The following LRP2 variants were observed in gnomAD, a reference collection of about 807,000 sequenced individuals.
LRP2 encodes LDL receptor related protein 2.
In LRP2, 172 loss-of-function variants were observed where a neutral mutation model predicts 531.0. The ratio of observed to expected loss-of-function variants is 0.32; its 90% confidence interval spans 0.29 to 0.37. The LOEUF is 0.37. Ranked by LOEUF, LRP2 falls within the 10% of genes least tolerant of loss-of-function variation. LRP2 has a pLI of 1.00. For synonymous variants in LRP2, 1,992 were observed against 2,027.6 expected (o/e 0.98, Z 0.47); for missense variants, 5,167 against 5,868.3 (o/e 0.88, Z 3.90).
chr2:169,168,045 A>ATATATATATATATATATATATATATATG, intron 61 of LRP2, among the ~76,000 whole-genome samples: 1 of 135,046 alleles, frequency 7.4e-6, no homozygotes, highest in African/African-American at 2.7e-5. Flanking sequence ...ATATATATAT[A>ATATATATATATATATATATATATATATG]TGCATCATTC....
intron 32 of LRP2, 136 bp from the exon 33 acceptor site, chr2:169,225,589 G>T: frequency 2.0e-6 from 2 of 985,458 alleles, no homozygotes; most frequent in Non-Finnish European, 3.1e-6. Context: ...GCAAACAAAG[G>T]TTCAGCACCA....
intron 51 of LRP2, 80 bp downstream of exon 51, chr2:169,182,087 A>G (rs1687460204): frequency 1.3e-6 from 2 of 1,567,344 alleles, no homozygotes; most frequent in Admixed American, 3.3e-5. Context: ...GCCTTGAGAT[A>G]GTTACATGAA....
At chr2:169,321,091 T>C (rs1181160238) in intron 1 of LRP2, among the ~76,000 whole-genome samples, 2 of 152,212 alleles carry the variant, frequency 1.3e-5, no homozygotes, top group Non-Finnish European at 2.9e-5. Context: ...TCATACACAG[T>C]TGATTAGTGT....
At chr2:169,241,623 G>A (rs957173887) in intron 24 of LRP2, among the ~76,000 whole-genome samples, 11 of 152,212 alleles carry the variant, frequency 7.2e-5, no homozygotes, top group African/African-American at 2.7e-4. Flanking sequence ...ATGAGTACCT[G>A]TGTCAAAAGA....
intron 1 of LRP2, among the ~76,000 whole-genome samples, chr2:169,327,018 G>A (rs1329570476): frequency 3.3e-5 from 5 of 151,170 alleles, no homozygotes; most frequent in African/African-American, 9.7e-5. Flanking sequence ...CCCTCCGCCC[G>A]GCAGCCACCC....
rs910660204 is a variant in LRP2, at chr2:169,136,849, T to C, written c.13620+543A>G. Among the ~76,000 whole-genome samples, 89 of 152,034 alleles carry C rather than the reference T, an allele frequency of 5.9e-4. 1 individual carries two copies. Among genetic ancestry groups the C allele is most frequent in the Admixed American group, 5.8e-3 (88 of 15,274 alleles). On this transcript the variant is annotated intron_variant, in intron 76 of 78. Coordinates refer to ENST00000649046, the MANE Select transcript of LRP2 (RefSeq NM_004525.3). ...GAGCAACAAGGCTGCAACAAGGAAA[T>C]TTAGATATCTGCCCATCAACTCTAG...
At position 169,209,512 on chromosome 2, in the gene LRP2, A is replaced by G. The variant is rs766753267; in HGVS notation, c.6410T>C (p.Ile2137Thr). 40 of 1,614,140 alleles carry G rather than the reference A, an allele frequency of 2.5e-5. No individual in the cohort carries two copies. The highest frequency in any genetic ancestry group is 4.5e-5 in the East Asian group (2 of 44,888). The change falls in exon 38 of 79, where the codon ATT (isoleucine) becomes ACT (threonine). Residue 2137 changes from isoleucine to threonine, a missense_variant. By Grantham distance (89) the Ile-to-Thr change is moderately conservative. Around this residue, in one of 6 missense-constraint regions of LRP2, gnomAD observed 2,811 missense variants for 3,058.0 expected, o/e 0.92. Transcript: ENST00000649046. ...IKPDGSSLMNIVTHGIGENGV... is the reference protein window; with the variant it reads ...IKPDGSSLMNTVTHGIGENGV... ...ATTTTCTCCTATTCCATGTGTCACA[A>G]TGTTCATCAGAGAAGATCCATCTGG...
chr2:169,243,369 A>G, intron 23 of LRP2, 34 bp downstream of exon 23: 3 of 1,613,038 alleles, frequency 1.9e-6, no homozygotes, highest in Non-Finnish European at 2.5e-6. Flanking sequence ...TTCTAAATAA[A>G]CATTGTGAAT....
intron 45 of LRP2, 113 bp from the exon 46 acceptor site, chr2:169,197,143 C>G: frequency 1.5e-6 from 2 of 1,300,596 alleles, no homozygotes; most frequent in South Asian, 2.5e-5. Context: ...AAAAGGAAGA[C>G]TGAGCCTGGA....
At chr2:169,260,764 C>G (rs1014320030) in intron 16 of LRP2, among the ~76,000 whole-genome samples, 1 of 151,214 alleles carries the variant, frequency 6.6e-6, no homozygotes, top group Non-Finnish European at 1.5e-5. Context: ...TAATCAAAGG[C>G]AGGAAAGGTG....
rs1392470420 is a variant in LRP2, at chr2:169,209,477, C to G, written c.6445G>C (p.Gly2149Arg). The G allele has an allele frequency of 1.2e-6, 2 of 1,613,872 alleles. No homozygotes were observed. Among genetic ancestry groups the G allele is most frequent in the Non-Finnish European group, 1.7e-6 (2 of 1,179,964 alleles). The change falls in exon 38 of 79, where the codon GGT (glycine) becomes CGT (arginine). Residue 2149 changes from glycine to arginine, a missense_variant. Physicochemically the swap from Gly to Arg is moderately radical, Grantham distance 125. Around this residue, in one of 6 missense-constraint regions of LRP2, gnomAD observed 2,811 missense variants for 3,058.0 expected, o/e 0.92. Coordinates refer to ENST00000649046, the MANE Select transcript of LRP2 (RefSeq NM_004525.3). The part of the protein sequence containing the change: ...THGIGENGVR[G>R]IAVDWVAGNL... The stretch of plus-strand genomic sequence containing the variant: ...CCTGCTACCCAATCCACTGCAATAC[C>G]CCGGACTCCATTTTCTCCTATTCCA...
intron 48 of LRP2, among the ~76,000 whole-genome samples, 176 bp from the exon 49 acceptor site, chr2:169,188,441 G>A (rs747894776): frequency 1.4e-4 from 22 of 151,878 alleles, no homozygotes; most frequent in Non-Finnish European, 8.8e-5. Flanking sequence ...CCCACTAATC[G>A]CCAATTCTAG....
rs753547314 is a variant in LRP2, at chr2:169,206,499, G to A, written c.7221C>T (p.Asn2407=). The A allele has an allele frequency of 1.2e-6, 2 of 1,614,190 alleles. No homozygotes were observed. The highest frequency in any genetic ancestry group is 1.3e-5 in the African/African-American group (1 of 75,046). ...SLRSLHLDPE[N]HSPPFQTINV... The stretch of plus-strand genomic sequence containing the variant: ...TTATTGTTTGGAAAGGTGGGCTATG[G>A]TTTTCAGGGTCCAAGTGTAAGCTTC... The change falls in exon 39 of 79, where the codon AAC becomes AAT. Residue 2407 remains asparagine (N), a synonymous_variant. Transcript: ENST00000649046.
At chr2:169,306,546 T>C (rs1684425116) in intron 4 of LRP2, among the ~76,000 whole-genome samples, 1 of 151,810 alleles carries the variant, frequency 6.6e-6, no homozygotes, top group African/African-American at 2.4e-5. Context: ...AAATAAAAAA[T>C]AAAAAACAGA....
intron 35 of LRP2, among the ~76,000 whole-genome samples, chr2:169,214,854 A>G (rs1688720811): frequency 6.6e-6 from 1 of 152,200 alleles, no homozygotes; most frequent in Non-Finnish European, 1.5e-5. Context: ...TCAAGGCCAG[A>G]GAGAGGTTGC....
intron 42 of LRP2, among the ~76,000 whole-genome samples, chr2:169,203,456 C>T (rs1688268613): frequency 6.6e-6 from 1 of 152,180 alleles, no homozygotes; most frequent in South Asian, 2.1e-4. Context: ...CTCCATCAAG[C>T]TTGTATTTAA....
rs114432896 is a variant in LRP2, at chr2:169,331,649, T to A, written c.80-10765A>T. ...TTACAGGATGTTGAAAAGAACACTATCCAAACAGAAGAAAATTTAAGATGG... is the reference window on the plus strand; with the variant it reads ...TTACAGGATGTTGAAAAGAACACTAACCAAACAGAAGAAAATTTAAGATGG... On this transcript the variant is annotated intron_variant, in intron 1 of 78. Transcript: ENST00000649046. Among the ~76,000 whole-genome samples the A allele has an allele frequency of 8.7e-3, 1,321 of 152,222 alleles. 14 individuals carry two copies. The highest frequency in any genetic ancestry group is 0.029 in the African/African-American group (1,209 of 41,514).
intron 2 of LRP2, 29 bp from the exon 3 acceptor site, chr2:169,318,913 T>G: frequency 6.2e-7 from 1 of 1,613,828 alleles, no homozygotes; most frequent in South Asian, 1.1e-5. Context: ...GGACTCATTA[T>G]GGCAATCATC....
intron 54 of LRP2, among the ~76,000 whole-genome samples, chr2:169,175,963 G>C (rs956048055): frequency 2.6e-5 from 4 of 152,118 alleles, no homozygotes; most frequent in Non-Finnish European, 5.9e-5. Context: ...ATAATCTGTG[G>C]CCATGTTTCA....
Sources: gnomAD v4.1 joint callset for allele counts (sites outside exome capture counted in the v4.1 genomes callset) on GRCh38, gnomAD v4.1.1 for gene constraint, gnomAD v4.1.1 regional missense constraint, MANE v1.5 for transcripts, NCBI Gene and HGNC (gene_info 2026-07-23, HGNC 2026-07-21) for gene names.